MITF: variants seen among roughly 807,000 people sequenced by gnomAD.
MITF encodes the protein melanocyte inducing transcription factor, also known as microphthalmia-associated transcription factor.
Under a neutral mutation model 60.5 loss-of-function variants are expected in MITF, and 17 were observed. The observed-to-expected ratio is 0.28, with a 90% CI of 0.19 to 0.42. The LOEUF (loss-of-function observed/expected upper bound fraction) is 0.42. MITF is among the 10% of genes least tolerant of loss of function. The probability of loss-of-function intolerance (pLI) is 1.00; values close to 1 mark genes in which losing one functional copy is unlikely to be tolerated. For missense variants in MITF, 622 were observed against 683.5 expected (o/e 0.91, Z 1.00); for synonymous variants, 260 against 248.5 (o/e 1.05, Z -0.43).
intron 1 of MITF, among the ~76,000 whole-genome samples, chr3:69,865,325 G>C (rs2107224839): frequency 6.6e-6 from 1 of 152,310 alleles, no homozygotes; most frequent in East Asian, 1.9e-4. Flanking sequence ...TATGCAGCTA[G>C]TCAGTGTCAG....
chr3:69,755,869 T>A (rs1011510212), intron 1 of MITF, among the ~76,000 whole-genome samples: 6 of 152,196 alleles, frequency 3.9e-5, no homozygotes, highest in African/African-American at 1.4e-4. Flanking sequence ...TTACTGCTGC[T>A]CCTCCTCCTG....
chr3:69,953,333 A>G (rs1186796361), intron 7 of MITF, among the ~76,000 whole-genome samples: 2 of 152,150 alleles, frequency 1.3e-5, no homozygotes, highest in Non-Finnish European at 2.9e-5. Context: ...ACCTGTAATT[A>G]GGCACCTGAA....
intron 1 of MITF, among the ~76,000 whole-genome samples, chr3:69,817,126 A>C (rs1200066995): frequency 6.6e-6 from 1 of 152,192 alleles, no homozygotes; most frequent in Non-Finnish European, 1.5e-5. Context: ...GACTGTATTT[A>C]AAATGCCTTT....
intron 1 of MITF, chr3:69,763,994 T>A: frequency 5.5e-6 from 7 of 1,273,522 alleles, no homozygotes; most frequent in Non-Finnish European, 7.2e-6. Flanking sequence ...TTATATAGCA[T>A]GTTTTTTAAG....
chr3:69,810,523 T>A (rs986026589), intron 1 of MITF, among the ~76,000 whole-genome samples: 1 of 152,210 alleles, frequency 6.6e-6, no homozygotes, highest in Non-Finnish European at 1.5e-5. Flanking sequence ...ATAACTTTTT[T>A]AACATACTAG....
intron 6 of MITF, among the ~76,000 whole-genome samples, 176 bp from the exon 7 acceptor site, chr3:69,951,636 T>TTGCTTTTGAAAACA (rs2066257271): frequency 6.6e-6 from 1 of 152,158 alleles, no homozygotes; most frequent in Non-Finnish European, 1.5e-5. Context: ...GATATATATA[T>TTGCTTTTGAAAACA]TGCTTTTGAA....
At chr3:69,942,904 C>G (rs537569496) in intron 5 of MITF, among the ~76,000 whole-genome samples, 10 of 152,186 alleles carry the variant, frequency 6.6e-5, no homozygotes, top group African/African-American at 1.9e-4. Flanking sequence ...CTCAAAAGAA[C>G]TTTGCTGTGA....
At chr3:69,942,339 T>C (rs1298002281) in intron 5 of MITF, among the ~76,000 whole-genome samples, 2 of 152,272 alleles carry the variant, frequency 1.3e-5, no homozygotes, top group African/African-American at 4.8e-5. Context: ...TTTTTTACCA[T>C]AATGAAATTT....
At chr3:69,756,912 G>A (rs1452991221) in intron 1 of MITF, among the ~76,000 whole-genome samples, 1 of 152,144 alleles carries the variant, frequency 6.6e-6, no homozygotes, top group African/African-American at 2.4e-5. Context: ...AAATATGTTT[G>A]TTGGCCGCAT....
intron 1 of MITF, among the ~76,000 whole-genome samples, chr3:69,775,602 A>G (rs1396812779): frequency 6.6e-6 from 1 of 152,138 alleles, no homozygotes; most frequent in African/African-American, 2.4e-5. Flanking sequence ...TTGCATTTTT[A>G]TTTCTTAATT....
At chr3:69,851,200 A>G (rs1306568562) in intron 1 of MITF, among the ~76,000 whole-genome samples, 1 of 152,230 alleles carries the variant, frequency 6.6e-6, no homozygotes, top group Admixed American at 6.5e-5. Context: ...AAATCTCTTT[A>G]CAGAAAATAT....
chr3:69,853,388 C>T (rs867928580), intron 1 of MITF, among the ~76,000 whole-genome samples: 73 of 152,146 alleles, frequency 4.8e-4, no homozygotes, highest in African/African-American at 1.7e-3. Context: ...TTATACTTGC[C>T]GTATCCATTT....
chr3:69,920,777 G>A (rs572489623), intron 2 of MITF, among the ~76,000 whole-genome samples: 25 of 152,164 alleles, frequency 1.6e-4, no homozygotes, highest in African/African-American at 4.8e-4. Context: ...GTGGTTCCCC[G>A]GGCCCAGCTG....
chr3:69,886,043 A>ACCTACTT (rs1559697640), intron 2 of MITF, among the ~76,000 whole-genome samples: 9 of 152,146 alleles, frequency 5.9e-5, no homozygotes, highest in Non-Finnish European at 1.3e-4. Context: ...TCACCCAAGT[A>ACCTACTT]GGTGGTGCAG....
In MITF at chr3:69,964,996, C is replaced by T. The variant is rs2107552349; in HGVS notation, c.1329C>T (p.Thr443=). The T allele has an allele frequency of 3.1e-6, 5 of 1,614,142 alleles. No individual in the cohort carries two copies. Among genetic ancestry groups the T allele is most frequent in the Non-Finnish European group, 4.2e-6 (5 of 1,180,024 alleles). Residue 443 remains threonine, a synonymous_variant, in exon 10 of 10, where the codon ACC becomes ACT. Coordinates refer to ENST00000352241, the MANE Select transcript of MITF (RefSeq NM_001354604.2). Reference sequence around the variant, plus strand: ...TCCTTCAGCATCATGCAGACCTAACCTGTACAACAACTCTCGATCTCACGG... The same window carrying T: ...TCCTTCAGCATCATGCAGACCTAACTTGTACAACAACTCTCGATCTCACGG... ...QDLLQHHADL[T]CTTTLDLTDG...
intron 1 of MITF, among the ~76,000 whole-genome samples, chr3:69,774,449 T>A (rs1222822240): frequency 6.6e-6 from 1 of 152,198 alleles, no homozygotes; most frequent in Middle Eastern, 3.2e-3. Context: ...GGATGGCTAG[T>A]CAGTTTCTGT....
intron 1 of MITF, among the ~76,000 whole-genome samples, chr3:69,759,041 CA>C (rs1322205014): frequency 1.3e-5 from 2 of 152,138 alleles, no homozygotes; most frequent in African/African-American, 4.8e-5. Flanking sequence ...AAAATACAGT[CA>C]ATTCTCATTA....
At chr3:69,762,916 G>A (rs2062232215) in intron 1 of MITF, 1 of 224,730 alleles carries the variant, frequency 4.4e-6, no homozygotes, top group Non-Finnish European at 8.9e-6. Context: ...GGGGTTGGAG[G>A]TTTAAACCAG....
At chr3:69,831,182 A>G (rs575587787) in intron 1 of MITF, among the ~76,000 whole-genome samples, 3 of 152,230 alleles carry the variant, frequency 2.0e-5, no homozygotes, top group Non-Finnish European at 4.4e-5. Context: ...CTTAAGGCTC[A>G]GTGTAATGTC....
Sources: gnomAD v4.1 joint callset for allele counts (sites outside exome capture counted in the v4.1 genomes callset) on GRCh38, gnomAD v4.1.1 for gene constraint, MANE v1.5 for transcripts, NCBI Gene and HGNC (gene_info 2026-07-23, HGNC 2026-07-21) for gene names.